Variants in CARMIL1 observed in about 807,000 individuals in gnomAD.
CARMIL1 encodes the protein capping protein regulator and myosin 1 linker 1.
Under a neutral mutation model 177.1 loss-of-function variants are expected in CARMIL1, and 90 were observed. That is an observed-to-expected ratio of 0.51 (90% CI 0.43 to 0.61). The LOEUF is 0.61. CARMIL1 is among the 20% of genes least tolerant of loss of function. The probability of loss-of-function intolerance (pLI) is 0.00; values close to 1 mark genes in which losing one functional copy is unlikely to be tolerated. For synonymous variants in CARMIL1, 577 were observed against 606.2 expected (o/e 0.95, Z 0.71); for missense variants, 1,380 against 1,667.0 (o/e 0.83, Z 3.00).
chr6:25,510,274 T>G (rs1055971922), intron 18 of CARMIL1, among the ~76,000 whole-genome samples: 1 of 152,148 alleles, frequency 6.6e-6, no homozygotes, highest in Non-Finnish European at 1.5e-5. Context: ...AGCCACTGAT[T>G]GTATAAGAGA....
chr6:25,498,817 C>G (rs1043090416), intron 16 of CARMIL1, among the ~76,000 whole-genome samples: 5 of 152,066 alleles, frequency 3.3e-5, no homozygotes, highest in Non-Finnish European at 5.9e-5. Flanking sequence ...AATACTGCGC[C>G]CATGAAAGAA....
At chr6:25,303,239 G>A (rs1047288830) in intron 2 of CARMIL1, among the ~76,000 whole-genome samples, 3 of 151,794 alleles carry the variant, frequency 2.0e-5, no homozygotes, top group Non-Finnish European at 4.4e-5. Context: ...ATTATAATGC[G>A]TGATTTTATT....
chr6:25,521,151 C>A (rs566379629), intron 23 of CARMIL1, among the ~76,000 whole-genome samples: 2 of 152,054 alleles, frequency 1.3e-5, no homozygotes, highest in East Asian at 3.9e-4. Context: ...AAGAGACAGT[C>A]TCTGGTGTGT....
At chr6:25,354,371 G>A (rs1385704481) in intron 2 of CARMIL1, among the ~76,000 whole-genome samples, 1 of 115,192 alleles carries the variant, frequency 8.7e-6, no homozygotes, top group Non-Finnish European at 1.7e-5. Flanking sequence ...TGGAGACAGG[G>A]CCTTGCTATA....
chr6:25,407,809 G>A (rs1794517935), intron 2 of CARMIL1, among the ~76,000 whole-genome samples: 1 of 152,186 alleles, frequency 6.6e-6, no homozygotes. Context: ...AGTGTCAGGG[G>A]GCAATAAACA....
intron 29 of CARMIL1, among the ~76,000 whole-genome samples, chr6:25,560,487 A>C (rs1811011566): frequency 1.3e-5 from 2 of 152,162 alleles, no homozygotes; most frequent in Admixed American, 1.3e-4. Context: ...ACACTTATGT[A>C]GTACCTGTGA....
At chr6:25,478,563 G>A (rs1165901813) in intron 11 of CARMIL1, among the ~76,000 whole-genome samples, 3 of 152,160 alleles carry the variant, frequency 2.0e-5, no homozygotes, top group Admixed American at 1.3e-4. Flanking sequence ...TTGGGAGGCC[G>A]AGGCGGGCAG....
intron 2 of CARMIL1, among the ~76,000 whole-genome samples, chr6:25,397,947 G>T (rs1321723123): frequency 6.6e-6 from 1 of 152,084 alleles, no homozygotes; most frequent in African/African-American, 2.4e-5. Context: ...GTGTGCATGT[G>T]CATGCAGTGA....
At chr6:25,601,434 A>T (rs558196506) in intron 33 of CARMIL1, among the ~76,000 whole-genome samples, 6 of 152,342 alleles carry the variant, frequency 3.9e-5, no homozygotes, top group East Asian at 3.9e-4. Flanking sequence ...CTGAATCCAG[A>T]TGGAAGACTG....
chr6:25,313,874 A>G (rs1470286865), intron 2 of CARMIL1, among the ~76,000 whole-genome samples: 1 of 151,556 alleles, frequency 6.6e-6, no homozygotes, highest in Non-Finnish European at 1.5e-5. Context: ...CACAGGATGT[A>G]GAAACATGGA....
chr6:25,444,340 A>G (rs1798026097), intron 5 of CARMIL1, among the ~76,000 whole-genome samples: 2 of 151,604 alleles, frequency 1.3e-5, no homozygotes, highest in African/African-American at 4.8e-5. Context: ...AAGAAAAACA[A>G]TCTTTTATTG....
At chr6:25,591,377 G>A (rs1814282862) in intron 31 of CARMIL1, among the ~76,000 whole-genome samples, 1 of 152,138 alleles carries the variant, frequency 6.6e-6, no homozygotes, top group African/African-American at 2.4e-5. Context: ...TCAAATATCA[G>A]CAACAGCGAT....
chr6:25,429,280 G>A (rs1031226995), intron 4 of CARMIL1, among the ~76,000 whole-genome samples: 1 of 152,194 alleles, frequency 6.6e-6, no homozygotes, highest in African/African-American at 2.4e-5. Context: ...GTGTGTGCAA[G>A]CATCCATCTG....
At chr6:25,415,047 G>A (rs2150664169) in intron 2 of CARMIL1, among the ~76,000 whole-genome samples, 1 of 152,286 alleles carries the variant, frequency 6.6e-6, no homozygotes, top group East Asian at 1.9e-4. Flanking sequence ...TGGGGTGAAG[G>A]TAGAAATGAT....
chr6:25,337,522 A>G (rs1280200955), intron 2 of CARMIL1, among the ~76,000 whole-genome samples: 1 of 152,234 alleles, frequency 6.6e-6, no homozygotes, highest in Non-Finnish European at 1.5e-5. Flanking sequence ...TTGTCACACA[A>G]TGGTGTAACC....
chr6:25,489,861 C>T (rs301394), intron 13 of CARMIL1, among the ~76,000 whole-genome samples: 94,701 of 151,912 alleles, frequency 0.62, 29,687 homozygotes, highest in Non-Finnish European at 0.65. Context: ...ATCTGCTCCC[C>T]CCCAAAATAA....
chr6:25,450,868 CCTTCT>C (rs1481558348), intron 8 of CARMIL1, among the ~76,000 whole-genome samples, 157 bp downstream of exon 8: 98 of 128,920 alleles, frequency 7.6e-4, no homozygotes, highest in African/African-American at 2.8e-3. Context: ...CCTTCCCTTC[CCTTCT>C]CTTTTCTCTT....
At position 25,449,886 on chromosome 6, in the gene CARMIL1, T is replaced by G. The variant is rs1263652188; in HGVS notation, c.372-12T>G. The G allele has an allele frequency of 6.5e-7, 1 of 1,539,136 alleles. No homozygotes were observed. The highest frequency in any genetic ancestry group is 8.9e-7 in the Non-Finnish European group (1 of 1,122,544). On this transcript the variant is annotated splice_polypyrimidine_tract_variant and intron_variant, in intron 5 of 36. Transcript: ENST00000329474. ...TGGTTTGTGAAATGTGTTGTTGTTG[T>G]TGATCTTACAGGAGAATCATGAAAA... is the stretch of plus-strand genomic sequence containing the variant.
At chr6:25,431,036 T>G (rs141741943) in intron 4 of CARMIL1, among the ~76,000 whole-genome samples, 2,176 of 152,298 alleles carry the variant, frequency 0.014, 21 homozygotes, top group Non-Finnish European at 0.021. Context: ...TTATTATACT[T>G]TAAGTTTTAG....
Sources: gnomAD v4.1 joint callset for allele counts (sites outside exome capture counted in the v4.1 genomes callset) on GRCh38, gnomAD v4.1.1 for gene constraint, MANE v1.5 for transcripts, NCBI Gene and HGNC (gene_info 2026-07-23, HGNC 2026-07-21) for gene names.